The following QTGAL variants were observed in gnomAD, a reference collection of about 807,000 sequenced individuals.
The protein encoded by QTGAL is queuosine-tRNA galactosyltransferase.
the QTGAL span, among the ~76,000 whole-genome samples, chr17:83,037,484 G>A: frequency 6.6e-6 from 1 of 152,212 alleles, no homozygotes; most frequent in Non-Finnish European, 1.5e-5. The surrounding 1 kb of genome is among the most constrained non-coding windows in gnomAD (Gnocchi z 5.2). Context: ...AAAAGCCAGG[G>A]GCATAAACAG....
chr17:82,959,262 G>T, the QTGAL span, among the ~76,000 whole-genome samples: 2 of 151,976 alleles, frequency 1.3e-5, no homozygotes, highest in Non-Finnish European at 2.9e-5. Flanking sequence ...GTACACGTGT[G>T]TGCAGTGAGG....
At chr17:82,969,986 TA>T in the QTGAL span, among the ~76,000 whole-genome samples, 6 of 149,524 alleles carry the variant, frequency 4.0e-5, no homozygotes, top group Non-Finnish European at 7.4e-5. Flanking sequence ...GGCCAAAAAT[TA>T]AAAAAAAAAG....
chr17:83,039,318 G>GCAGATTAGCTCATTT, the QTGAL span, among the ~76,000 whole-genome samples: 8 of 57,334 alleles, frequency 1.4e-4, no homozygotes, highest in Admixed American at 3.3e-4. Flanking sequence ...TAGACACACT[G>GCAGATTAGCTCATTT]CTGGGCGCCC....
chr17:83,032,975 G>C, the QTGAL span, among the ~76,000 whole-genome samples: 1 of 152,246 alleles, frequency 6.6e-6, no homozygotes, highest in Non-Finnish European at 1.5e-5. Context: ...GTCAGGAGGA[G>C]AGGAACGGGC....
the QTGAL span, among the ~76,000 whole-genome samples, chr17:83,000,908 G>GT: frequency 6.6e-6 from 1 of 152,216 alleles, no homozygotes; most frequent in African/African-American, 2.4e-5. Flanking sequence ...TCCAGCAAAT[G>GT]TAAAACTGCT....
the QTGAL span, among the ~76,000 whole-genome samples, chr17:83,007,412 G>A: frequency 3.9e-5 from 6 of 152,176 alleles, no homozygotes; most frequent in Non-Finnish European, 8.8e-5. Flanking sequence ...TGTCTATACT[G>A]TCTCACGTTT....
At chr17:83,042,315 C>A in the QTGAL span, among the ~76,000 whole-genome samples, 1 of 152,218 alleles carries the variant, frequency 6.6e-6, no homozygotes, top group African/African-American at 2.4e-5. Context: ...TGCAGTGAAC[C>A]AAGATCACGC....
the QTGAL span, chr17:83,051,714 GC>G: frequency 6.8e-7 from 1 of 1,476,890 alleles, no homozygotes; most frequent in Non-Finnish European, 8.9e-7. Context: ...GCACGGCGGG[GC>G]ACCCTCCCCG....
At chr17:83,024,223 G>A in the QTGAL span, among the ~76,000 whole-genome samples, 42 of 152,218 alleles carry the variant, frequency 2.8e-4, 2 homozygotes, top group East Asian at 7.0e-3. Context: ...AGCCCCCAGC[G>A]CAGGCCTCAG....
the QTGAL span, among the ~76,000 whole-genome samples, chr17:83,032,032 G>C: frequency 2.0e-5 from 3 of 151,956 alleles, no homozygotes; most frequent in East Asian, 3.9e-4. Context: ...TGAACAACCG[G>C]GTCAGACCAG....
At chr17:83,039,554 C>CCGCCCGAACCTGTTCTAGAGCGCCT in the QTGAL span, among the ~76,000 whole-genome samples, 230 of 113,046 alleles carry the variant, frequency 2.0e-3, 24 homozygotes, top group African/African-American at 9.2e-3. Flanking sequence ...GCTGGGCGCC[C>CCGCCCGAACCTGTTCTAGAGCGCCT]GCCGCCCGAA....
the QTGAL span, among the ~76,000 whole-genome samples, chr17:82,985,273 C>T: frequency 4.6e-4 from 70 of 152,356 alleles, no homozygotes; most frequent in Non-Finnish European, 8.1e-4. Flanking sequence ...CAAAATATGC[C>T]ACTTCCCACA....
At chr17:82,961,393 G>A in the QTGAL span, 42 of 289,096 alleles carry the variant, frequency 1.5e-4, no homozygotes, top group South Asian at 2.3e-4. Context: ...GGAAAGAGGG[G>A]AAGGGAGGGT....
At chr17:82,961,120 CG>C in the QTGAL span, 1 of 1,608,628 alleles carries the variant, frequency 6.2e-7, no homozygotes, top group East Asian at 2.2e-5. Context: ...CTGGTCCACG[CG>C]GATGACGCCG....
the QTGAL span, chr17:82,947,746 C>G: frequency 2.0e-5 from 3 of 152,606 alleles, no homozygotes; most frequent in East Asian, 1.9e-4. Flanking sequence ...CGCCCCTTAC[C>G]CCCACCACAT....
chr17:83,037,298 G>A, the QTGAL span, among the ~76,000 whole-genome samples: 1 of 152,208 alleles, frequency 6.6e-6, no homozygotes, highest in East Asian at 1.9e-4. The surrounding 1 kb of genome is among the most constrained non-coding windows in gnomAD (Gnocchi z 5.2). Context: ...CAAGCTCACG[G>A]CACCACTGGG....
chr17:83,018,693 G>A, the QTGAL span, among the ~76,000 whole-genome samples: 1 of 152,230 alleles, frequency 6.6e-6, no homozygotes, highest in African/African-American at 2.4e-5. Flanking sequence ...GCCAAAGAAA[G>A]GTCGCAATGG....
the QTGAL span, among the ~76,000 whole-genome samples, chr17:82,996,159 C>G: frequency 6.6e-6 from 1 of 152,216 alleles, no homozygotes; most frequent in Non-Finnish European, 1.5e-5. Context: ...GTTAAAATAT[C>G]TATACTACCC....
the QTGAL span, among the ~76,000 whole-genome samples, chr17:82,970,529 G>A: frequency 2.2e-3 from 318 of 144,730 alleles, 6 homozygotes; most frequent in African/African-American, 8.1e-3. Context: ...CCCACCCAGC[G>A]TGGCCGCGAC....
Sources: allele counts gnomAD v4.1 joint callset (sites outside exome capture counted in the v4.1 genomes callset), GRCh38; gene constraint gnomAD v4.1.1; non-coding constraint Gnocchi (gnomAD v3.1); transcripts MANE v1.5; gene names NCBI Gene and HGNC (gene_info 2026-07-23, HGNC 2026-07-21).